CNTN6: variants seen among roughly 807,000 people sequenced by gnomAD.
CNTN6 encodes the protein contactin-6.
Under a neutral mutation model 122.8 loss-of-function variants are expected in CNTN6, and 137 were observed. The observed-to-expected ratio is 1.12, with a 90% CI of 0.97 to 1.29. The LOEUF (loss-of-function observed/expected upper bound fraction) is 1.29. Among genes scored for constraint, CNTN6 ranks in the 50% most tolerant of loss-of-function variants. The pLI is 0.00. For missense variants in CNTN6, 1,634 were observed against 1,223.4 expected (o/e 1.34, Z -5.01); for synonymous variants, 570 against 426.0 (o/e 1.34, Z -4.16).
At chr3:1,277,258 A>G (rs544462683) in intron 4 of CNTN6, among the ~76,000 whole-genome samples, 6 of 152,150 alleles carry the variant, frequency 3.9e-5, no homozygotes, top group Admixed American at 2.6e-4. Flanking sequence ...AGTAAGCACA[A>G]TAAAGGTAAA....
intron 4 of CNTN6, among the ~76,000 whole-genome samples, chr3:1,264,784 CTG>C (rs1226927179): frequency 1.3e-5 from 2 of 152,062 alleles, no homozygotes; most frequent in Non-Finnish European, 2.9e-5. Context: ...TTTTACCACT[CTG>C]TGCAATAGAT....
chr3:1,311,563 ATCTT>A (rs1699321161), intron 7 of CNTN6, among the ~76,000 whole-genome samples: 1 of 148,450 alleles, frequency 6.7e-6, no homozygotes, highest in Non-Finnish European at 1.5e-5. Flanking sequence ...TATATAAAAT[ATCTT>A]TATATACACA....
chr3:1,332,563 A>G (rs914856359), intron 11 of CNTN6, among the ~76,000 whole-genome samples: 75 of 148,514 alleles, frequency 5.1e-4, no homozygotes, highest in Non-Finnish European at 9.9e-4. Context: ...AAAGAGGGGG[A>G]AAGAAAGAAA....
intron 20 of CNTN6, among the ~76,000 whole-genome samples, chr3:1,388,506 C>G (rs1396274235): frequency 6.6e-6 from 1 of 151,704 alleles, no homozygotes; most frequent in East Asian, 1.9e-4. Context: ...CGCAGAGCGC[C>G]TCTCCTCCTC....
intron 21 of CNTN6, among the ~76,000 whole-genome samples, chr3:1,401,874 G>C (rs535019814): frequency 6.6e-6 from 1 of 151,946 alleles, no homozygotes; most frequent in Non-Finnish European, 1.5e-5. Context: ...TCTAAATAGA[G>C]ATTTTAGAAC....
chr3:1,262,728 A>G (rs1220045426), intron 4 of CNTN6, among the ~76,000 whole-genome samples: 2 of 152,120 alleles, frequency 1.3e-5, no homozygotes, highest in Non-Finnish European at 2.9e-5. Flanking sequence ...TTAATTAGTA[A>G]CCAGTTCAGT....
At chr3:1,283,043 G>A (rs1693740214) in intron 5 of CNTN6, among the ~76,000 whole-genome samples, 1 of 152,048 alleles carries the variant, frequency 6.6e-6, no homozygotes, top group African/African-American at 2.4e-5. Context: ...TGCCATATTG[G>A]CTCACTGCAA....
intron 1 of CNTN6, among the ~76,000 whole-genome samples, chr3:1,142,968 G>GTGTGTGTATATA (rs1217250181): frequency 8.6e-5 from 11 of 128,652 alleles, no homozygotes; most frequent in African/African-American, 3.4e-4. Flanking sequence ...GTGTGTGTGT[G>GTGTGTGTATATA]TATATATATA....
At chr3:1,155,368 T>C (rs1013950221) in intron 2 of CNTN6, among the ~76,000 whole-genome samples, 1 of 152,214 alleles carries the variant, frequency 6.6e-6, no homozygotes, top group Non-Finnish European at 1.5e-5. Flanking sequence ...ACCCCAAGAC[T>C]GCTTAGGGAT....
At chr3:1,399,635 A>G (rs1392359656) in intron 20 of CNTN6, among the ~76,000 whole-genome samples, 2 of 152,062 alleles carry the variant, frequency 1.3e-5, no homozygotes, top group African/African-American at 2.4e-5. Context: ...TGTGTCACCT[A>G]TGGATCTGCC....
At chr3:1,102,934 C>T (rs1441889724) in intron 1 of CNTN6, among the ~76,000 whole-genome samples, 9 of 150,660 alleles carry the variant, frequency 6.0e-5, no homozygotes, top group African/African-American at 1.9e-4. Context: ...GGTGAAACCC[C>T]GTCTCTACCA....
rs1458615173 is a variant in CNTN6, at chr3:1,168,860, TAATA to T, written c.55+20798_55+20801del. Among the ~76,000 whole-genome samples the T allele has an allele frequency of 3.3e-5, 5 of 152,332 alleles. 1 individual carries two copies. The highest frequency in any genetic ancestry group is 9.6e-5 in the African/African-American group (4 of 41,578). On this transcript the variant is annotated intron_variant, in intron 2 of 22. Coordinates refer to ENST00000446702, the MANE Select transcript of CNTN6 (RefSeq NM_001289080.2). ...GCATCTGGTCTAACAACAGTGATGC[TAATA>T]TATAGGTTAATTTTTTTTAAGAAAA... is the stretch of plus-strand genomic sequence containing the variant.
chr3:1,289,296 C>G lies in CNTN6; in HGVS notation c.455-6305C>G, dbSNP rs576851528. ...TGGCTCTTCAGATGACTGGGAGGAG[C>G]CAGCCCATGGGGAGAAGGGAGCAGG... On this transcript the variant is annotated intron_variant, in intron 5 of 22. Transcript: ENST00000446702. Among the ~76,000 whole-genome samples the G allele has an allele frequency of 1.3e-3, 202 of 152,182 alleles. 1 individual carries two copies. The highest frequency in any genetic ancestry group is 2.7e-3 in the Admixed American group (41 of 15,286).
At chr3:1,388,119 A>C (rs183772939) in intron 20 of CNTN6, among the ~76,000 whole-genome samples, 2 of 152,200 alleles carry the variant, frequency 1.3e-5, no homozygotes, top group Non-Finnish European at 2.9e-5. Context: ...GGGCACAGAC[A>C]AACAAAAAGA....
At chr3:1,126,207 A>G in intron 1 of CNTN6, among the ~76,000 whole-genome samples, 1 of 151,844 alleles carries the variant, frequency 6.6e-6, no homozygotes, top group East Asian at 1.9e-4. Context: ...TCCATTCCTC[A>G]CTGGAAAATG....
intron 1 of CNTN6, among the ~76,000 whole-genome samples, chr3:1,139,189 G>T (rs1380127161): frequency 6.6e-6 from 1 of 152,136 alleles, no homozygotes; most frequent in African/African-American, 2.4e-5. Flanking sequence ...TGGCAACAGT[G>T]ACCAGGCTGG....
chr3:1,388,190 T>G (rs975117134), intron 20 of CNTN6, among the ~76,000 whole-genome samples: 11 of 150,624 alleles, frequency 7.3e-5, no homozygotes, highest in East Asian at 5.8e-4. Flanking sequence ...GAGCACTGGT[T>G]CTCCCAGCAT....
At chr3:1,289,651 C>CTTTTT (rs1266774924) in intron 5 of CNTN6, among the ~76,000 whole-genome samples, 1 of 146,984 alleles carries the variant, frequency 6.8e-6, no homozygotes, top group African/African-American at 2.6e-5. Context: ...TGAGTTTTAT[C>CTTTTT]TTTTGTTTTG....
chr3:1,266,419 G>A (rs561134125), intron 4 of CNTN6, among the ~76,000 whole-genome samples: 199 of 152,238 alleles, frequency 1.3e-3, no homozygotes, highest in Non-Finnish European at 2.4e-3. Context: ...CTTGCAAACC[G>A]AAACCAGTAG....
Sources: allele counts gnomAD v4.1 joint callset (sites outside exome capture counted in the v4.1 genomes callset), GRCh38; gene constraint gnomAD v4.1.1; transcripts MANE v1.5; gene names NCBI Gene and HGNC (gene_info 2026-07-23, HGNC 2026-07-21).